The following RORC variants were observed in gnomAD, a reference collection of about 807,000 sequenced individuals.
The protein encoded by RORC is RAR related orphan receptor C.
In RORC, 13 loss-of-function variants were observed where a neutral mutation model predicts 64.5. The observed-to-expected ratio is 0.20, with a 90% confidence interval of 0.13 to 0.32. RORC has a LOEUF of 0.32. RORC is among the 10% of genes least tolerant of loss of function. The pLI is 1.00. For synonymous variants in RORC, 277 were observed against 259.3 expected (o/e 1.07, Z -0.65); for missense variants, 468 against 669.5 (o/e 0.70, Z 3.32).
chr1:151,811,819 C>A (rs1651546166), intron 9 of RORC: 2 of 156,778 alleles, frequency 1.3e-5, no homozygotes, highest in African/African-American at 4.8e-5. Context: ...CTGAAGGTGC[C>A]CAGGCCTGCA....
At position 151,830,896 on chromosome 1, in the gene RORC, A is replaced by G. The variant is rs1572050194; in HGVS notation, c.40+829T>C. 7.9e-7 allele frequency: 1 copy of G among 1,262,264 alleles called. No homozygotes were observed. The highest frequency in any genetic ancestry group is 1.0e-6 in the Non-Finnish European group (1 of 967,782). The allele number at this position is 1,262,264 out of a possible 1,614,324, so 78.2% of individuals were successfully genotyped here. ...GGCCTCTAGCCTTGCACCTCAGAGC[A>G]GTCCTGTGGTGGGGGTGCTCCCCTT... On this transcript the variant is annotated intron_variant, in intron 1 of 10. Transcript: ENST00000318247. This position sits in a 1 kb window ranked among gnomAD's most constrained non-coding sequence, Gnocchi z 4.0.
At chr1:151,827,418 G>C (rs1279654162) in intron 2 of RORC, among the ~76,000 whole-genome samples, 1 of 152,012 alleles carries the variant, frequency 6.6e-6, no homozygotes, top group Non-Finnish European at 1.5e-5. Context: ...AACAATTCCA[G>C]AGACCTTCTC....
chr1:151,831,556 T>A, intron 1 of RORC, 169 bp downstream of exon 1: 1 of 707,504 alleles, frequency 1.4e-6, no homozygotes, highest in Non-Finnish European at 1.7e-6. Context: ...CCCCAGCCCC[T>A]CCTCCTGTTT....
chr1:151,810,549 T>TTTTTA (rs1651482852), intron 10 of RORC, among the ~76,000 whole-genome samples: 2 of 151,518 alleles, frequency 1.3e-5, no homozygotes, highest in East Asian at 1.9e-4. Context: ...TTTTTTTTTT[T>TTTTTA]GAGACAGAGT....
intron 9 of RORC, 56 bp from the exon 10 acceptor site, chr1:151,811,490 C>T: frequency 1.8e-6 from 2 of 1,092,970 alleles, no homozygotes; most frequent in South Asian, 2.7e-5. Flanking sequence ...ACATTAACTC[C>T]CAACAAAAGG....
intron 10 of RORC, among the ~76,000 whole-genome samples, chr1:151,810,921 CATT>C (rs776936283): frequency 3.3e-5 from 5 of 152,132 alleles, no homozygotes; most frequent in Non-Finnish European, 7.3e-5. Context: ...CTGTTAATTG[CATT>C]ATTATTATAT....
chr1:151,821,110 T>C (rs1377218215), intron 2 of RORC, among the ~76,000 whole-genome samples: 1 of 152,204 alleles, frequency 6.6e-6, no homozygotes, highest in East Asian at 1.9e-4. Context: ...TCCTCCATCC[T>C]CCTCTAATCG....
At chr1:151,820,609 G>T (rs1261804529) in intron 2 of RORC, among the ~76,000 whole-genome samples, 1 of 152,138 alleles carries the variant, frequency 6.6e-6, no homozygotes, top group Non-Finnish European at 1.5e-5. Flanking sequence ...TCTCACTGTA[G>T]CTCTCTCCTG....
rs1051073080 is a variant in RORC at position 151,830,693 on chromosome 1, T to G, written c.40+1032A>C. 7.2e-6 allele frequency among the ~76,000 whole-genome samples: 1 copy of G among 139,264 alleles called. No individual in the cohort carries two copies. The highest frequency in any genetic ancestry group is 2.7e-5 in the African/African-American group (1 of 37,234). The allele number at this position is 139,264 out of a possible 152,430, so 91.4% of individuals were successfully genotyped here. ...CTTCTGCCCGGGAGATGCTCCCCAC[T>G]GGCAGGCCGTGGTCACTAGGCTGTG... On this transcript the variant is annotated intron_variant, in intron 1 of 10. Transcript: ENST00000318247. This position sits in a 1 kb window ranked among gnomAD's most constrained non-coding sequence, Gnocchi z 4.0.
chr1:151,827,527 G>C (rs1208894990), intron 2 of RORC, among the ~76,000 whole-genome samples: 1 of 152,096 alleles, frequency 6.6e-6, no homozygotes, highest in African/African-American at 2.4e-5. Flanking sequence ...GTTCCCCCGG[G>C]TTCCCCATCT....
chr1:151,815,271 C>T lies in RORC; in HGVS notation c.453G>A (p.Leu151=). The part of the protein sequence containing the change: ...AQGADTLTYT[L]GLPDGQLPLG... ...GGGGCAGCTGCCCGTCTGGGAGCCCCAAGGTGTAGGTGAGGGTATCTGCTC... is the reference window on the plus strand; with the variant it reads ...GGGGCAGCTGCCCGTCTGGGAGCCCTAAGGTGTAGGTGAGGGTATCTGCTC... Residue 151 remains leucine (L), a synonymous_variant, in exon 5 of 11, where the codon TTG becomes TTA. Transcript: ENST00000318247. The T allele has an allele frequency of 6.2e-7, 1 of 1,610,072 alleles. No homozygotes were observed. The highest frequency in any genetic ancestry group is 8.5e-7 in the Non-Finnish European group (1 of 1,177,244).
chr1:151,813,408 C>G, intron 7 of RORC, 62 bp from the exon 8 acceptor site: 2 of 1,608,632 alleles, frequency 1.2e-6, no homozygotes, highest in Non-Finnish European at 8.5e-7. Flanking sequence ...CTGACTCTGT[C>G]CCCCTGATTT....
At chr1:151,814,526 C>T in intron 6 of RORC, 48 bp downstream of exon 6, 2 of 1,575,848 alleles carry the variant, frequency 1.3e-6, no homozygotes, top group Non-Finnish European at 8.7e-7. Context: ...CTGAACTCTC[C>T]CGGTGGGGGT....
At chr1:151,814,884 C>T in intron 5 of RORC, 29 bp downstream of exon 5, 1 of 1,600,394 alleles carries the variant, frequency 6.2e-7, no homozygotes, top group Non-Finnish European at 8.5e-7. Context: ...CTCATCTCTA[C>T]CACCCTCTCC....
In RORC at chr1:151,816,357, G is replaced by A. The variant is rs371106739; in HGVS notation, c.298+307C>T. On this transcript the variant is annotated intron_variant, in intron 4 of 10. Coordinates refer to ENST00000318247, the MANE Select transcript of RORC (RefSeq NM_005060.4). Reference sequence around the variant, plus strand: ...CAGGGGAAGGTGCCAGAGCTGCATGGGAGCTGGGCCAGAGGGCAGCAGAGT... The same window carrying A: ...CAGGGGAAGGTGCCAGAGCTGCATGAGAGCTGGGCCAGAGGGCAGCAGAGT... Among the ~76,000 whole-genome samples, 47 of 152,340 alleles carry A rather than the reference G, an allele frequency of 3.1e-4. 1 individual carries two copies. Among genetic ancestry groups the A allele is most frequent in the African/African-American group, 1.1e-3 (46 of 41,572 alleles).
At chr1:151,810,635 G>A (rs561952371) in intron 10 of RORC, among the ~76,000 whole-genome samples, 15 of 151,556 alleles carry the variant, frequency 9.9e-5, no homozygotes, top group Admixed American at 3.3e-4. Context: ...GGTTTCAAGC[G>A]ATTATCCTGC....
Position 151,807,386 on chromosome 1 carries a change from G to T in RORC, c.*86C>A. 7.1e-7 allele frequency: 1 copy of T among 1,405,026 alleles called. No homozygotes were observed. Among genetic ancestry groups the T allele is most frequent in the Non-Finnish European group, 9.8e-7 (1 of 1,019,858 alleles). The allele number at this position is 1,405,026 out of a possible 1,614,324, so 87.0% of individuals were successfully genotyped here. On this transcript the variant is annotated 3_prime_UTR_variant, in exon 11 of 11. Transcript: ENST00000318247. This position sits in a 1 kb window ranked among gnomAD's most constrained non-coding sequence, Gnocchi z 5.0. Reference sequence around the variant, plus strand: ...GTGGGGACCACCCTCCAGGGTTCATGGGAAAGGAAAAGGGTGAGGGTGGAA... The same window carrying T: ...GTGGGGACCACCCTCCAGGGTTCATTGGAAAGGAAAAGGGTGAGGGTGGAA...
chr1:151,822,885 C>G (rs1481734298), intron 2 of RORC, among the ~76,000 whole-genome samples: 4 of 152,258 alleles, frequency 2.6e-5, no homozygotes, highest in Non-Finnish European at 5.9e-5. Context: ...TATATGGGAA[C>G]AGGAGCGCGG....
rs16833575 is a variant in RORC at position 151,830,344 on chromosome 1, G to A, written c.41-886C>T. On this transcript the variant is annotated intron_variant, in intron 1 of 10. Transcript: ENST00000318247. The surrounding 1 kb of genome is among the most constrained non-coding windows in gnomAD (Gnocchi z 4.0). ...AGGGGGAGCAGCCGTTGAGGGGAGG[G>A]CCTTAGCTGGAGCATGGTTGGTGGG... 0.021 allele frequency among the ~76,000 whole-genome samples: 3,211 copies of A among 151,708 alleles called. 121 individuals are homozygous for A. The highest frequency in any genetic ancestry group is 0.074 in the African/African-American group (3,067 of 41,258).
Sources: gnomAD v4.1 joint callset for allele counts (sites outside exome capture counted in the v4.1 genomes callset) on GRCh38, gnomAD v4.1.1 for gene constraint, Gnocchi (gnomAD v3.1) non-coding constraint, MANE v1.5 for transcripts, NCBI Gene and HGNC (gene_info 2026-07-23, HGNC 2026-07-21) for gene names.